Variants in RPL5 observed in about 807,000 individuals in gnomAD.
The protein encoded by RPL5 is ribosomal protein L5, also known as large ribosomal subunit protein uL18.
A neutral mutation model predicts 38.4 loss-of-function variants in RPL5; 1 was observed. The ratio of observed to expected loss-of-function variants is 0.03; its 90% confidence interval spans 0.01 to 0.12. RPL5 has a LOEUF of 0.12. RPL5 is among the 10% of genes least tolerant of loss of function. The probability of loss-of-function intolerance (pLI) is 1.00; values close to 1 mark genes in which losing one functional copy is unlikely to be tolerated. For synonymous variants in RPL5, 109 were observed against 121.2 expected, an observed-to-expected ratio of 0.90 and a Z score of 0.66; for missense variants, 243 against 374.1, an observed-to-expected ratio of 0.65 and a Z score of 2.89.
chr1:92,838,751 A>T (rs1687220667), intron 6 of RPL5, among the ~76,000 whole-genome samples: 1 of 152,208 alleles, frequency 6.6e-6, no homozygotes, highest in Non-Finnish European at 1.5e-5. Context: ...GATTTGTTGA[A>T]TGACTATATA....
chr1:92,840,002 C>T (rs1298858540), intron 6 of RPL5, among the ~76,000 whole-genome samples: 1 of 151,046 alleles, frequency 6.6e-6, no homozygotes, highest in Non-Finnish European at 1.5e-5. Context: ...CCACCATGCC[C>T]TGCTAATTTT....
intron 4 of RPL5, 137 bp from the exon 5 acceptor site, chr1:92,836,053 A>G: frequency 2.7e-6 from 2 of 748,938 alleles, no homozygotes; most frequent in South Asian, 1.5e-5. Context: ...GAGCAAGTGG[A>G]TCTGGTGAAA....
chr1:92,832,188 A>G, intron 1 of RPL5, 71 bp downstream of exon 1: 1 of 1,602,794 alleles, frequency 6.2e-7, no homozygotes, highest in Non-Finnish European at 8.5e-7. Flanking sequence ...ATGCCAGCCT[A>G]GGGCCCGTCT....
intron 5 of RPL5, chr1:92,836,633 G>T: frequency 1.9e-6 from 1 of 516,768 alleles, no homozygotes. Context: ...GAAAGAGATG[G>T]GATTGAAACC....
intron 3 of RPL5, among the ~76,000 whole-genome samples, chr1:92,834,172 A>AG (rs1687026267): frequency 6.6e-6 from 1 of 152,234 alleles, no homozygotes; most frequent in Admixed American, 6.5e-5. Context: ...GTAGAAGAAT[A>AG]GGGTTTGTCC....
intron 5 of RPL5, chr1:92,837,085 A>G (rs1687159815): frequency 8.9e-6 from 3 of 338,280 alleles, no homozygotes; most frequent in South Asian, 2.5e-5. Context: ...TCACTTGACA[A>G]TTTCATTAAC....
chr1:92,840,605 G>A lies in RPL5; in HGVS notation c.760G>A (p.Glu254Lys), dbSNP rs1687316979. The A allele has an allele frequency of 6.2e-7, 1 of 1,611,952 alleles. No individual in the cohort carries two copies. The highest frequency in any genetic ancestry group is 8.5e-7 in the Non-Finnish European group (1 of 1,179,844). The change falls in exon 7 of 8, where the codon GAA becomes AAA. Residue 254 changes from glutamate to lysine, a missense_variant. By Grantham distance (56) the Glu-to-Lys change is moderately conservative. Transcript: ENST00000370321. ...TGCTATACGAGAGAATCCAGTCTAT[G>A]AAAAGAAGCCCAAGAAAGAAGTTAA... is the stretch of plus-strand genomic sequence containing the variant. ...HAAIRENPVYEKKPKKEVKKK... is the reference protein window; with the variant it reads ...HAAIRENPVYKKKPKKEVKKK...
intron 4 of RPL5, among the ~76,000 whole-genome samples, chr1:92,835,538 T>C (rs1687085274): frequency 6.6e-6 from 1 of 151,230 alleles, no homozygotes; most frequent in South Asian, 2.1e-4. Context: ...TGTGTGTCTG[T>C]AGTCCCAACT....
At chr1:92,839,266 G>GT (rs1557443055) in intron 6 of RPL5, among the ~76,000 whole-genome samples, 1 of 152,192 alleles carries the variant, frequency 6.6e-6, no homozygotes, top group Non-Finnish European at 1.5e-5. Flanking sequence ...GGCTGAGGCA[G>GT]AAGAATTGCT....
chr1:92,837,394 A>T, intron 5 of RPL5, 62 bp from the exon 6 acceptor site: 1 of 1,435,122 alleles, frequency 7.0e-7, no homozygotes, highest in Non-Finnish European at 9.8e-7. Context: ...TACTAAAGTA[A>T]ATTCTTACTA....
chr1:92,837,197 C>CT, intron 5 of RPL5: 1 of 625,686 alleles, frequency 1.6e-6, no homozygotes, highest in Admixed American at 2.1e-5. Flanking sequence ...TGCTGGATGA[C>CT]TAATTTTGTA....
chr1:92,836,747 T>C (rs932482434), intron 5 of RPL5: 2 of 241,624 alleles, frequency 8.3e-6, no homozygotes, highest in Non-Finnish European at 1.6e-5. Flanking sequence ...ATTTACTGAA[T>C]TATGCAAAAA....
intron 6 of RPL5, among the ~76,000 whole-genome samples, chr1:92,838,248 A>G (rs1375794576): frequency 1.3e-5 from 2 of 152,242 alleles, no homozygotes; most frequent in African/African-American, 4.8e-5. Flanking sequence ...ACACAGTGTA[A>G]AGGCTGAATA....
In RPL5 at chr1:92,834,899, C is replaced by T. The variant is rs766476007; in HGVS notation, c.310C>T (p.Leu104=). 2.5e-6 allele frequency: 4 copies of T among 1,601,932 alleles called. No homozygotes were observed. The highest frequency in any genetic ancestry group is 1.7e-5 in the Admixed American group (1 of 60,020). The change falls in exon 4 of 8, where the codon CTG becomes TTG. Residue 104 remains leucine, a synonymous_variant. Coordinates refer to ENST00000370321, the MANE Select transcript of RPL5 (RefSeq NM_000969.5). ...NYAAAYCTGL[L]LARRLLNRFG... Reference sequence around the variant, plus strand: ...TGCTGCAGCATATTGTACTGGCCTGCTGCTGGCCCGCAGGGTATGTACAAG... The same window carrying T: ...TGCTGCAGCATATTGTACTGGCCTGTTGCTGGCCCGCAGGGTATGTACAAG...
chr1:92,832,156 G>C (rs1257403094), intron 1 of RPL5, 39 bp downstream of exon 1: 1 of 1,613,596 alleles, frequency 6.2e-7, no homozygotes, highest in East Asian at 2.2e-5. Flanking sequence ...TAGATGCATG[G>C]AGGTTCCCTT....
intron 7 of RPL5, chr1:92,840,927 T>C: frequency 1.9e-6 from 1 of 521,638 alleles, no homozygotes; most frequent in African/African-American, 1.9e-5. Flanking sequence ...GATCTTTAAA[T>C]GGAATAGAAA....
chr1:92,833,660 G>A lies in RPL5; in HGVS notation c.189G>A (p.Gln63=). 1 of 1,608,078 alleles carries A rather than the reference G, an allele frequency of 6.2e-7. No individual in the cohort carries two copies. The highest frequency in any genetic ancestry group is 8.5e-7 in the Non-Finnish European group (1 of 1,176,322). Residue 63 remains glutamine, a splice_region_variant and synonymous_variant, in exon 3 of 8, where the codon CAG becomes CAA. Coordinates refer to ENST00000370321, the MANE Select transcript of RPL5 (RefSeq NM_000969.5). Reference sequence around the variant, plus strand: ...TGACAAACAGAGATATCATTTGTCAGGTAAGTTGTATTCTAGACAGTCCCC... The same window carrying A: ...TGACAAACAGAGATATCATTTGTCAAGTAAGTTGTATTCTAGACAGTCCCC... The part of the protein sequence containing the change: ...VRVTNRDIIC[Q]IAYARIEGDM...
At chr1:92,832,972 C>CGTGA (rs1686968180) in intron 1 of RPL5, 1 of 725,732 alleles carries the variant, frequency 1.4e-6, no homozygotes, top group Admixed American at 1.9e-5. Context: ...CGACGTTTGG[C>CGTGA]ATCACTGATT....
At chr1:92,836,574 G>A (rs889636437) in intron 5 of RPL5, 182 bp downstream of exon 5, 2 of 626,446 alleles carry the variant, frequency 3.2e-6, no homozygotes, top group African/African-American at 3.7e-5. Flanking sequence ...TATAAATTAA[G>A]AGTCTGAGGC....
Sources: gnomAD v4.1 joint callset for allele counts (sites outside exome capture counted in the v4.1 genomes callset) on GRCh38, gnomAD v4.1.1 for gene constraint, MANE v1.5 for transcripts, NCBI Gene and HGNC (gene_info 2026-07-23, HGNC 2026-07-21) for gene names.